PIGB: variants seen among roughly 807,000 people sequenced by gnomAD.
PIGB encodes phosphatidylinositol glycan anchor biosynthesis class B.
A neutral mutation model predicts 68.4 loss-of-function variants in PIGB; 58 were observed. That is an observed-to-expected ratio of 0.85 (90% CI 0.69 to 1.06). The LOEUF (loss-of-function observed/expected upper bound fraction) is 1.06, where lower values mean the gene tolerates loss of function less well. PIGB is among the 50% of genes least tolerant of loss of function. The pLI, the probability that PIGB is intolerant of heterozygous loss-of-function variation, is 0.00. For synonymous variants in PIGB, 219 were observed against 220.5 expected, an observed-to-expected ratio of 0.99 and a Z score of 0.06; for missense variants, 634 against 655.8, an observed-to-expected ratio of 0.97 and a Z score of 0.36.
chr15:55,321,374 A>T lies in PIGB; in HGVS notation c.401A>T (p.Asp134Val), dbSNP rs767688887. ...IYKILHLLGK[D>V]SVQLLIWIPR... ...AAGATTCTTCATCTTTTAGGGAAAGATAGTGTTCAGTTGCTGGTAAGTTTA... is the reference window on the plus strand; with the variant it reads ...AAGATTCTTCATCTTTTAGGGAAAGTTAGTGTTCAGTTGCTGGTAAGTTTA... The change falls in exon 3 of 12, where the codon GAT becomes GTT. Residue 134 changes from aspartate (D) to valine (V), a missense_variant. By Grantham distance (152) the Asp-to-Val change is radical. Transcript: ENST00000164305. The T allele has an allele frequency of 1.7e-5, 28 of 1,601,900 alleles. No individual in the cohort carries two copies. The highest frequency in any genetic ancestry group is 2.2e-5 in the Non-Finnish European group (26 of 1,173,808).
intron 9 of PIGB, among the ~76,000 whole-genome samples, chr15:55,345,986 A>AT (rs142750779): frequency 6.6e-6 from 1 of 151,930 alleles, no homozygotes; most frequent in Non-Finnish European, 1.5e-5. Flanking sequence ...TGTGGTAGGG[A>AT]TTTTTTTTCT....
chr15:55,349,603 T>C (rs1377660884), intron 9 of PIGB: 1 of 152,218 alleles, frequency 6.6e-6, no homozygotes, highest in Admixed American at 6.5e-5. Context: ...ATCAGAACTA[T>C]TTCAAGTAGA....
At chr15:55,333,266 A>G (rs773766977) in intron 5 of PIGB, among the ~76,000 whole-genome samples, 1 of 152,188 alleles carries the variant, frequency 6.6e-6, no homozygotes, top group Non-Finnish European at 1.5e-5. Context: ...AAGAAAAACT[A>G]AGACCCAGAA....
intron 7 of PIGB, 93 bp from the exon 8 acceptor site, chr15:55,340,519 G>A: frequency 1.4e-6 from 1 of 713,692 alleles, no homozygotes; most frequent in Non-Finnish European, 2.3e-6. Context: ...CTTCAATTCT[G>A]ATTTAATGTC....
intron 6 of PIGB, among the ~76,000 whole-genome samples, chr15:55,336,513 G>A (rs1231946234): frequency 2.6e-5 from 4 of 152,180 alleles, no homozygotes; most frequent in African/African-American, 7.2e-5. Context: ...GCCTACAGTT[G>A]AGCAAAATCA....
In PIGB at chr15:55,355,281, T is replaced by C. The variant is rs991591036; in HGVS notation, c.1519-5T>C. 5.0e-6 allele frequency: 8 copies of C among 1,597,570 alleles called. No individual in the cohort carries two copies. The Admixed American group carries it at 8.7e-5, about 17-fold the overall frequency. ...TTATTTACTTAAACATTTATTTGCT[T>C]CTAGGAAATAAGCGCTTTCCTAATT... On this transcript the variant is annotated splice_region_variant and splice_polypyrimidine_tract_variant and intron_variant, in intron 11 of 11. Transcript: ENST00000164305.
At chr15:55,337,140 G>A (rs1316558422) in intron 6 of PIGB, among the ~76,000 whole-genome samples, 1 of 150,118 alleles carries the variant, frequency 6.7e-6, no homozygotes, top group Non-Finnish European at 1.5e-5. Context: ...CATTTCATTT[G>A]TTATCAAGGA....
chr15:55,325,834 T>G (rs946205539), intron 3 of PIGB, among the ~76,000 whole-genome samples: 20 of 148,020 alleles, frequency 1.4e-4, no homozygotes, highest in African/African-American at 4.5e-4. Flanking sequence ...GAGAATCGCT[T>G]GAACCTGGGA....
At chr15:55,323,969 C>T (rs1199295460) in intron 3 of PIGB, among the ~76,000 whole-genome samples, 9 of 152,212 alleles carry the variant, frequency 5.9e-5, no homozygotes, top group Admixed American at 5.9e-4. Context: ...CTGGCTGTAA[C>T]TGCCGCCTCC....
intron 6 of PIGB, among the ~76,000 whole-genome samples, chr15:55,335,020 G>A (rs991120089): frequency 6.6e-6 from 1 of 152,150 alleles, no homozygotes; most frequent in Non-Finnish European, 1.5e-5. Context: ...TGCCCAGCCT[G>A]TTTAGCTATA....
rs1192426187 is a variant in PIGB, at chr15:55,340,841, C to T, written c.1058+18C>T. On this transcript the variant is annotated intron_variant, in intron 8 of 11. Coordinates refer to ENST00000164305, the MANE Select transcript of PIGB (RefSeq NM_004855.5). ...GTTTATAGGTAAGATTTTATTTGTT[C>T]AAAAGGCTAAAATTTTTTATGTTAC... is the stretch of plus-strand genomic sequence containing the variant. 3.0e-5 allele frequency: 44 copies of T among 1,461,220 alleles called. No individual in the cohort carries two copies. Among genetic ancestry groups the T allele is most frequent in the Non-Finnish European group, 4.0e-5 (43 of 1,078,388 alleles). 90.5% of individuals were successfully genotyped at this position (1,461,220 alleles called of 1,614,324 possible). A position where few individuals can be genotyped will look rare whatever the true frequency, so the allele number is the denominator to read the frequency against.
chr15:55,339,393 T>C, intron 7 of PIGB, 75 bp downstream of exon 7: 1 of 933,728 alleles, frequency 1.1e-6, no homozygotes, highest in South Asian at 1.5e-5. Flanking sequence ...AGGCAAATGA[T>C]TTTTTAAATG....
Position 55,325,160 on chromosome 15 carries a change from T to C in PIGB, c.418-2371T>C, listed in dbSNP as rs184641975. Reference sequence around the variant, plus strand: ...GGCCAACATGGTGAAACCCCATCTCTACTAAAAATAGAAAAATTATACAGG... The same window carrying C: ...GGCCAACATGGTGAAACCCCATCTCCACTAAAAATAGAAAAATTATACAGG... On this transcript the variant is annotated intron_variant, in intron 3 of 11. Transcript: ENST00000164305. Among the ~76,000 whole-genome samples the C allele has an allele frequency of 5.9e-5, 9 of 152,186 alleles. No homozygotes were observed. The East Asian group carries it at 1.7e-3, about 29-fold the overall frequency.
intron 9 of PIGB, among the ~76,000 whole-genome samples, chr15:55,345,131 T>G (rs1293774255): frequency 2.0e-5 from 3 of 152,098 alleles, no homozygotes; most frequent in Non-Finnish European, 4.4e-5. Context: ...CCTCAGATGA[T>G]CCACCTGCCT....
intron 10 of PIGB, among the ~76,000 whole-genome samples, chr15:55,352,982 G>C (rs1439171030): frequency 2.0e-5 from 3 of 152,144 alleles, no homozygotes; most frequent in Non-Finnish European, 4.4e-5. Flanking sequence ...CAGGCTAAAA[G>C]GAAGACATCA....
In PIGB at chr15:55,340,758, C is replaced by A; in HGVS notation, c.993C>A (p.Cys331Ter). 6.2e-7 allele frequency: 1 copy of A among 1,611,190 alleles called. No homozygotes were observed. The highest frequency in any genetic ancestry group is 1.7e-5 in the Admixed American group (1 of 59,670). The part of the protein sequence containing the change: ...GTHLPFFIHG[C>*]YLAPKRYRIL... ...ACTTACCCTTCTTTATTCATGGCTG[C>A]TATCTAGCACCAAAGAGATACCGGA... The change falls in exon 8 of 12, where the codon TGC becomes TGA. Residue 331 changes from cysteine to a stop codon, truncating the protein, a stop_gained. Transcript: ENST00000164305. LOFTEE classifies it high-confidence loss of function.
Position 55,354,866 on chromosome 15 carries a change from A to G in PIGB, c.1406A>G (p.Tyr469Cys), listed in dbSNP as rs754853067. Residue 469 changes from tyrosine to cysteine, a missense_variant, in exon 11 of 12, where the codon TAT becomes TGT. By Grantham distance (194) the Tyr-to-Cys change is radical. Coordinates refer to ENST00000164305, the MANE Select transcript of PIGB (RefSeq NM_004855.5). ...CCAGACCTGACTGGAAAAAGTCATTATCTTGATGAAGCAGATGTATTTTAC... is the reference window on the plus strand; with the variant it reads ...CCAGACCTGACTGGAAAAAGTCATTGTCTTGATGAAGCAGATGTATTTTAC... The part of the protein sequence containing the change: ...CPPDLTGKSH[Y>C]LDEADVFYLN... The G allele has an allele frequency of 1.9e-6, 3 of 1,613,820 alleles. No homozygotes were observed. Among genetic ancestry groups the G allele is most frequent in the Non-Finnish European group, 2.5e-6 (3 of 1,179,770 alleles).
chr15:55,342,670 GGC>G (rs1446078800), intron 9 of PIGB, among the ~76,000 whole-genome samples: 1 of 152,368 alleles, frequency 6.6e-6, no homozygotes, highest in African/African-American at 2.4e-5. Flanking sequence ...TGGGATTGCA[GGC>G]GTGAGCCACC....
intron 6 of PIGB, among the ~76,000 whole-genome samples, chr15:55,335,723 TTGA>T (rs2055519480): frequency 6.6e-6 from 1 of 152,056 alleles, no homozygotes; most frequent in Admixed American, 6.6e-5. Flanking sequence ...ATGTAGTTAC[TTGA>T]TGAGAGAGTA....
Sources: allele counts gnomAD v4.1 joint callset (sites outside exome capture counted in the v4.1 genomes callset), GRCh38; gene constraint gnomAD v4.1.1; transcripts MANE v1.5; gene names NCBI Gene and HGNC (gene_info 2026-07-23, HGNC 2026-07-21).